Variants in OXR1 observed in about 807,000 individuals in gnomAD.
OXR1 encodes the protein oxidation resistance protein 1.
OXR1 carries 41 observed loss-of-function variants against 104.6 expected under a neutral mutation model. The ratio of observed to expected loss-of-function variants is 0.39; its 90% CI spans 0.31 to 0.51. The LOEUF is 0.51. OXR1 is among the 20% of genes least tolerant of loss of function. OXR1 has a pLI of 0.77. For missense variants in OXR1, 955 were observed against 1,031.9 expected (o/e 0.93, Z 1.02); for synonymous variants, 348 against 348.4 (o/e 1.00, Z 0.01).
intron 2 of OXR1, among the ~76,000 whole-genome samples, chr8:106,380,477 A>G (rs907319888): frequency 6.6e-6 from 1 of 152,178 alleles, no homozygotes; most frequent in African/African-American, 2.4e-5. Flanking sequence ...TCTCTTGGGT[A>G]TATACTTAGA....
At chr8:106,414,567 A>G (rs1482718518) in intron 2 of OXR1, among the ~76,000 whole-genome samples, 1 of 152,134 alleles carries the variant, frequency 6.6e-6, no homozygotes, top group Non-Finnish European at 1.5e-5. Flanking sequence ...TATTTAATAA[A>G]CAATGTATTT....
At chr8:106,520,865 G>GA (rs1813205390) in intron 3 of OXR1, among the ~76,000 whole-genome samples, 1 of 151,962 alleles carries the variant, frequency 6.6e-6, no homozygotes, top group African/African-American at 2.4e-5. Flanking sequence ...TTAAAAATTA[G>GA]AAAAAAAGGG....
chr8:106,411,414 G>T (rs1000045678), intron 2 of OXR1, among the ~76,000 whole-genome samples: 13 of 152,130 alleles, frequency 8.5e-5, no homozygotes, highest in Non-Finnish European at 1.3e-4. Context: ...GCACATGATG[G>T]CATATAATTG....
At chr8:106,449,423 C>T (rs1456497757) in intron 2 of OXR1, among the ~76,000 whole-genome samples, 1 of 152,166 alleles carries the variant, frequency 6.6e-6, no homozygotes, top group South Asian at 2.1e-4. Context: ...TACAACACCA[C>T]TTCTACTCAA....
At chr8:106,614,213 A>G (rs1821017686) in intron 3 of OXR1, among the ~76,000 whole-genome samples, 1 of 152,168 alleles carries the variant, frequency 6.6e-6, no homozygotes, top group Non-Finnish European at 1.5e-5. Flanking sequence ...TAAAAGGTCT[A>G]TTATTTTCAC....
At chr8:106,278,559 G>A (rs543844582) in intron 1 of OXR1, among the ~76,000 whole-genome samples, 1 of 151,674 alleles carries the variant, frequency 6.6e-6, no homozygotes, top group South Asian at 2.1e-4. Context: ...TAGGGCTGTT[G>A]AATGCAGTCT....
chr8:106,728,200 C>T (rs1386794989), intron 11 of OXR1, among the ~76,000 whole-genome samples: 2 of 121,402 alleles, frequency 1.6e-5, no homozygotes, highest in African/African-American at 6.4e-5. Context: ...ACAAGGGGCT[C>T]TTATGCTTCT....
intron 2 of OXR1, among the ~76,000 whole-genome samples, chr8:106,424,621 A>G (rs4734137): frequency 0.28 from 42,512 of 151,890 alleles, 6,064 homozygotes; most frequent in South Asian, 0.39. Context: ...ATCTAAAATT[A>G]TTTCCTCAGT....
At chr8:106,313,772 T>C (rs1258956579) in intron 1 of OXR1, among the ~76,000 whole-genome samples, 2 of 152,132 alleles carry the variant, frequency 1.3e-5, no homozygotes, top group East Asian at 1.9e-4. Flanking sequence ...AGGTAGGAAG[T>C]GTAAGACTCA....
intron 2 of OXR1, among the ~76,000 whole-genome samples, chr8:106,492,980 C>G (rs1811193203): frequency 6.6e-6 from 1 of 152,052 alleles, no homozygotes; most frequent in Non-Finnish European, 1.5e-5. Flanking sequence ...TGGATTTTCC[C>G]ACATTCTGGA....
At chr8:106,415,974 C>A (rs1191513603) in intron 2 of OXR1, among the ~76,000 whole-genome samples, 3 of 152,038 alleles carry the variant, frequency 2.0e-5, no homozygotes, top group Non-Finnish European at 4.4e-5. Flanking sequence ...TTCCACAAGT[C>A]TTGAGAATAT....
chr8:106,643,943 G>T (rs1823867993), intron 3 of OXR1, among the ~76,000 whole-genome samples: 1 of 152,166 alleles, frequency 6.6e-6, no homozygotes, highest in African/African-American at 2.4e-5. Flanking sequence ...AGCTCTTAAA[G>T]TAATTATTTT....
At chr8:106,463,565 G>A (rs2130654726) in intron 2 of OXR1, among the ~76,000 whole-genome samples, 1 of 152,106 alleles carries the variant, frequency 6.6e-6, no homozygotes, top group East Asian at 1.9e-4. Context: ...TTTGTATGAT[G>A]AGAATACATG....
At chr8:106,375,911 A>G (rs1816889023) in intron 2 of OXR1, among the ~76,000 whole-genome samples, 1 of 152,226 alleles carries the variant, frequency 6.6e-6, no homozygotes, top group South Asian at 2.1e-4. Flanking sequence ...ATGCAATGGC[A>G]TGATCATAGT....
intron 3 of OXR1, among the ~76,000 whole-genome samples, chr8:106,599,956 G>C (rs1819838472): frequency 6.6e-6 from 1 of 152,172 alleles, no homozygotes; most frequent in South Asian, 2.1e-4. Flanking sequence ...TTTATATAGG[G>C]TTGATGCTTC....
intron 11 of OXR1, among the ~76,000 whole-genome samples, chr8:106,715,139 C>A (rs1006220171): frequency 6.6e-6 from 1 of 151,976 alleles, no homozygotes; most frequent in Admixed American, 6.6e-5. Context: ...TAAAAAAGAT[C>A]TACTGGTACA....
intron 1 of OXR1, among the ~76,000 whole-genome samples, chr8:106,308,985 T>TG (rs1461744830): frequency 7.2e-6 from 1 of 139,016 alleles, no homozygotes; most frequent in African/African-American, 3.1e-5. Context: ...AATTTTTTTT[T>TG]TGTTTTTTTT....
At chr8:106,658,452 C>G (rs1203369816) in intron 3 of OXR1, among the ~76,000 whole-genome samples, 1 of 152,206 alleles carries the variant, frequency 6.6e-6, no homozygotes, top group Non-Finnish European at 1.5e-5. Context: ...TTTTCTTTCC[C>G]CGCCAAGTAT....
At position 106,647,399 on chromosome 8, in the gene OXR1, C is replaced by T. The variant is rs903595970; in HGVS notation, c.221-31811C>T. Among the ~76,000 whole-genome samples the T allele has an allele frequency of 2.6e-5, 4 of 152,282 alleles. 1 individual carries two copies. The highest frequency in any genetic ancestry group is 2.4e-5 in the African/African-American group (1 of 41,568). ...ATTCAAACGATAACCCACATTCTTCCTCTTTGTGGTCATTTGGGACACAGG... is the reference window on the plus strand; with the variant it reads ...ATTCAAACGATAACCCACATTCTTCTTCTTTGTGGTCATTTGGGACACAGG... On this transcript the variant is annotated intron_variant, in intron 3 of 16. Transcript: ENST00000517566.
Sources: allele counts gnomAD v4.1 joint callset (sites outside exome capture counted in the v4.1 genomes callset), GRCh38; gene constraint gnomAD v4.1.1; transcripts MANE v1.5; gene names NCBI Gene and HGNC (gene_info 2026-07-23, HGNC 2026-07-21).